The following CFAP161 variants were observed in gnomAD, a reference collection of about 807,000 sequenced individuals.
CFAP161 encodes cilia- and flagella-associated protein 161.
Under a neutral mutation model 29.0 loss-of-function variants are expected in CFAP161, and 25 were observed. The observed-to-expected ratio is 0.86, with a 90% CI of 0.63 to 1.20. The LOEUF (loss-of-function observed/expected upper bound fraction) is 1.20. Among genes scored for constraint, CFAP161 ranks in the 50% most tolerant of loss-of-function variants. CFAP161 has a pLI of 0.00. For missense variants in CFAP161, 367 were observed against 371.9 expected (o/e 0.99, Z 0.11); for synonymous variants, 116 against 137.4 (o/e 0.84, Z 1.09).
intron 1 of CFAP161, among the ~76,000 whole-genome samples, chr15:81,109,256 G>A (rs1894412205): frequency 6.6e-6 from 1 of 152,182 alleles, no homozygotes; most frequent in South Asian, 2.1e-4. Context: ...TGCTTTGACT[G>A]GGCCACTTCC....
rs1221309168 is a variant in CFAP161 at position 81,149,139 on chromosome 15, T to C, written c.*606T>C. 6.6e-6 allele frequency: 1 copy of C among 152,286 alleles called. No individual in the cohort carries two copies. The highest frequency in any genetic ancestry group is 2.4e-5 in the African/African-American group (1 of 41,462). The allele number at this position is 152,286 out of a possible 1,614,324, so 9.4% of individuals were successfully genotyped here. A position where few individuals can be genotyped will look rare whatever the true frequency, so the allele number is the denominator to read the frequency against. On this transcript the variant is annotated 3_prime_UTR_variant, in exon 7 of 7. Transcript: ENST00000286732. ...ACATTAGTTGTGGCACCCATGTGAT[T>C]AGATAGTTCCTGACAAAATAAATGT...
chr15:81,105,138 C>CCCTT (rs1567149853), intron 1 of CFAP161, among the ~76,000 whole-genome samples: 1 of 25,882 alleles, frequency 3.9e-5, no homozygotes, highest in African/African-American at 1.7e-4. Flanking sequence ...TCTCCCCCCT[C>CCCTT]CCCTCCCTCC....
intron 5 of CFAP161, among the ~76,000 whole-genome samples, chr15:81,146,349 G>A (rs1895005633): frequency 6.6e-6 from 1 of 152,060 alleles, no homozygotes; most frequent in Admixed American, 6.5e-5. Context: ...AGTCAGGAAA[G>A]CAAAAAAATA....
rs1485156364 is a variant in CFAP161, at chr15:81,109,744, T to C, written c.-141-17846T>C. On this transcript the variant is annotated intron_variant, in intron 1 of 4. Transcript: ENST00000560091. ...AAGTTACCAATTGAGATGTCTATGA[T>C]GTTGGTTATTGTTTCTACTGTTAAT... 2.6e-5 allele frequency among the ~76,000 whole-genome samples: 4 copies of C among 152,288 alleles called. No individual in the cohort carries two copies. In the East Asian group the frequency reaches 7.7e-4, roughly 29 times the overall value.
intron 1 of CFAP161, among the ~76,000 whole-genome samples, chr15:81,125,966 TTCAAGTGATTCTCTTGCC>T (rs1894636203): frequency 6.6e-6 from 1 of 152,106 alleles, no homozygotes; most frequent in South Asian, 2.1e-4. Flanking sequence ...GTCTCCCGGG[TTCAAGTGATTCTCTTGCC>T]TCAGCCTCTG....
In CFAP161 at chr15:81,148,610, C is replaced by G. The variant is rs938040635; in HGVS notation, c.*77C>G. 7.1e-7 allele frequency: 1 copy of G among 1,404,968 alleles called. No individual in the cohort carries two copies. The highest frequency in any genetic ancestry group is 9.7e-7 in the Non-Finnish European group (1 of 1,031,840). The allele number at this position is 1,404,968 out of a possible 1,614,324, so 87.0% of individuals were successfully genotyped here. Reference sequence around the variant, plus strand: ...TTTAAAAGAAATTAACAACCTTGGTCATGCCTCAAGCTATTTTTGAATCAG... The same window carrying G: ...TTTAAAAGAAATTAACAACCTTGGTGATGCCTCAAGCTATTTTTGAATCAG... On this transcript the variant is annotated 3_prime_UTR_variant, in exon 7 of 7. Transcript: ENST00000286732.
At chr15:81,134,475 T>C (rs1420696199) in intron 1 of CFAP161, 77 bp downstream of exon 1, 46 of 1,440,652 alleles carry the variant, frequency 3.2e-5, no homozygotes, top group Non-Finnish European at 4.4e-5. Context: ...TCTCCTACTT[T>C]GAGCGCCTCA....
At chr15:81,143,920 A>T in intron 5 of CFAP161, 100 bp downstream of exon 5, 2 of 1,291,942 alleles carry the variant, frequency 1.5e-6, no homozygotes, top group South Asian at 1.8e-5. Context: ...ATGCCTTATG[A>T]CTTTCTCTCT....
intron 1 of CFAP161, among the ~76,000 whole-genome samples, chr15:81,115,809 A>C (rs943967588): frequency 5.7e-4 from 86 of 150,804 alleles, no homozygotes; most frequent in African/African-American, 2.0e-3. Context: ...CCTCCCAAGT[A>C]GCTGGGACTA....
At position 81,134,279 on chromosome 15, in the gene CFAP161, C is replaced by T; in HGVS notation, c.-51C>T. ...GCCGGGTCGTCATGGCGACGCGCCA[C>T]GCTAACGCATGGTGTCGGAGGGAGG... On this transcript the variant is annotated 5_prime_UTR_variant, in exon 1 of 7. In the 5' UTR this introduces an upstream ATG that the reference lacks. Transcript: ENST00000286732. 6.4e-7 allele frequency: 1 copy of T among 1,552,694 alleles called. No homozygotes were observed. Among genetic ancestry groups the T allele is most frequent in the Non-Finnish European group, 8.7e-7 (1 of 1,145,942 alleles).
chr15:81,125,181 C>T (rs1333349891), intron 1 of CFAP161, among the ~76,000 whole-genome samples: 1 of 151,874 alleles, frequency 6.6e-6, no homozygotes, highest in Non-Finnish European at 1.5e-5. Context: ...TTTTTAAAAA[C>T]AGTTTACCTA....
chr15:81,108,486 C>T (rs979079178), intron 1 of CFAP161, among the ~76,000 whole-genome samples: 1 of 152,184 alleles, frequency 6.6e-6, no homozygotes, highest in African/African-American at 2.4e-5. Flanking sequence ...AGCCCCTGCT[C>T]TTCCTCCTGA....
chr15:81,133,560 C>T (rs1483803590), upstream of CFAP161, among the ~76,000 whole-genome samples: 1 of 152,080 alleles, frequency 6.6e-6, no homozygotes, highest in East Asian at 1.9e-4. Flanking sequence ...CCTACAGTAA[C>T]TGGTATCCCT....
At chr15:81,118,965 A>G (rs1012481468) in intron 1 of CFAP161, among the ~76,000 whole-genome samples, 1 of 152,248 alleles carries the variant, frequency 6.6e-6, no homozygotes, top group Admixed American at 6.5e-5. Context: ...GGTTTTAAAT[A>G]AGAGTCGTCA....
At chr15:81,142,550 C>T (rs1164620484) in intron 4 of CFAP161, among the ~76,000 whole-genome samples, 1 of 152,192 alleles carries the variant, frequency 6.6e-6, no homozygotes, top group African/African-American at 2.4e-5. Flanking sequence ...CTCTGCCTCC[C>T]ACAGCTCATT....
upstream of CFAP161, among the ~76,000 whole-genome samples, chr15:81,131,558 G>A (rs192549700): frequency 2.2e-4 from 34 of 152,150 alleles, no homozygotes; most frequent in East Asian, 1.9e-4. Context: ...ACTCACTAGC[G>A]GAATACAGCA....
At chr15:81,101,584 G>A (rs1894305028) in intron 1 of CFAP161, among the ~76,000 whole-genome samples, 1 of 147,822 alleles carries the variant, frequency 6.8e-6, no homozygotes, top group Admixed American at 6.7e-5. Context: ...ATTCGTGAGT[G>A]ATCTGAGAGG....
chr15:81,131,877 T>TA, upstream of CFAP161, among the ~76,000 whole-genome samples: 1 of 152,256 alleles, frequency 6.6e-6, no homozygotes, highest in Middle Eastern at 3.4e-3. Context: ...TATCCAAATA[T>TA]ATCTAGTTAA....
intron 6 of CFAP161, 59 bp from the exon 7 acceptor site, chr15:81,148,279 A>G (rs1895043930): frequency 3.4e-6 from 5 of 1,471,666 alleles, no homozygotes; most frequent in Non-Finnish European, 4.7e-6. Flanking sequence ...ATTATTAATA[A>G]CAGCTTATTG....
Sources: allele counts gnomAD v4.1 joint callset (sites outside exome capture counted in the v4.1 genomes callset), GRCh38; gene constraint gnomAD v4.1.1; transcripts MANE v1.5; gene names NCBI Gene and HGNC (gene_info 2026-07-23, HGNC 2026-07-21).